Variants in ZFYVE27 observed in about 807,000 individuals in gnomAD.
The protein encoded by ZFYVE27 is protrudin.
Under a neutral mutation model 52.8 loss-of-function variants are expected in ZFYVE27, and 36 were observed. The ratio of observed to expected loss-of-function variants is 0.68; its 90% CI spans 0.52 to 0.90. ZFYVE27 has a LOEUF of 0.90. ZFYVE27 is among the 40% of genes least tolerant of loss of function. The probability of loss-of-function intolerance (pLI) is 0.00; values close to 1 mark genes in which losing one functional copy is unlikely to be tolerated. For synonymous variants in ZFYVE27, 223 were observed against 215.6 expected (o/e 1.03, Z -0.30); for missense variants, 450 against 527.2 (o/e 0.85, Z 1.43).
At chr10:97,757,804 C>T in intron 12 of ZFYVE27, 81 bp downstream of exon 12, 1 of 1,449,356 alleles carries the variant, frequency 6.9e-7, no homozygotes, top group Non-Finnish European at 9.7e-7. Flanking sequence ...GCAAGGGTGT[C>T]AGAGGTCAAG....
chr10:97,749,727 A>G, intron 6 of ZFYVE27, 141 bp downstream of exon 6: 2 of 722,122 alleles, frequency 2.8e-6, no homozygotes. Flanking sequence ...GTCCTCTCTC[A>G]TGGGCTCTGC....
At chr10:97,744,670 G>A (rs1590022285) in intron 3 of ZFYVE27, 59 bp from the exon 4 acceptor site, 1 of 1,599,654 alleles carries the variant, frequency 6.3e-7, no homozygotes, top group Non-Finnish European at 8.5e-7. Context: ...GGGCGTCTGG[G>A]TGGGCCGACT....
At chr10:97,749,612 G>A (rs2046382401) in intron 6 of ZFYVE27, 26 bp downstream of exon 6, 9 of 1,591,900 alleles carry the variant, frequency 5.7e-6, no homozygotes, top group Middle Eastern at 1.7e-4. Context: ...CCTGAAAGAT[G>A]GGGCCCAAGC....
chr10:97,752,569 C>T (rs1012215271), intron 8 of ZFYVE27, among the ~76,000 whole-genome samples: 22 of 152,248 alleles, frequency 1.4e-4, no homozygotes, highest in African/African-American at 3.9e-4. Context: ...CCGGAAAATA[C>T]GTTGTAAGGG....
At chr10:97,751,627 G>T (rs2047024205) in intron 8 of ZFYVE27, among the ~76,000 whole-genome samples, 165 bp downstream of exon 8, 1 of 152,174 alleles carries the variant, frequency 6.6e-6, no homozygotes, top group Non-Finnish European at 1.5e-5. Context: ...CCCCACTCCT[G>T]TTTCTGGTTG....
Position 97,743,117 on chromosome 10 carries a change from T to G in ZFYVE27, c.221T>G (p.Leu74Trp). Residue 74 changes from leucine to tryptophan, a missense_variant, in exon 3 of 13, where the codon TTG becomes TGG. Coordinates refer to ENST00000684270, the MANE Select transcript of ZFYVE27 (RefSeq NM_001385875.1). ...AGGTGGCAGATGCCTTTGTGTTCCTTGCTGACCTGCCTGGGCCTCAACGTC... is the reference window on the plus strand; with the variant it reads ...AGGTGGCAGATGCCTTTGTGTTCCTGGCTGACCTGCCTGGGCCTCAACGTC... ...LLRWQMPLCSLLTCLGLNVLF... is the reference protein window; with the variant it reads ...LLRWQMPLCSWLTCLGLNVLF... 1 of 1,614,214 alleles carries G rather than the reference T, an allele frequency of 6.2e-7. No homozygotes were observed. The highest frequency in any genetic ancestry group is 8.5e-7 in the Non-Finnish European group (1 of 1,180,030).
At chr10:97,757,887 G>C in intron 12 of ZFYVE27, 164 bp downstream of exon 12, 1 of 629,406 alleles carries the variant, frequency 1.6e-6, no homozygotes, top group Non-Finnish European at 2.8e-6. Flanking sequence ...GAAACATTTG[G>C]TACATGCCGA....
Position 97,738,539 on chromosome 10 carries a change from C to A in ZFYVE27, c.62C>A (p.Ala21Asp), listed in dbSNP as rs140812293. 6.2e-7 allele frequency: 1 copy of A among 1,614,172 alleles called. No individual in the cohort carries two copies. Among genetic ancestry groups the A allele is most frequent in the Non-Finnish European group, 8.5e-7 (1 of 1,180,016 alleles). The part of the protein sequence containing the change: ...PELSPSVMPE[A>D]PLESPPFPTK... ...CTGAGCCCCAGCGTGATGCCCGAGG[C>A]TCCCCTGGAGTCTCCACCTTTTCCT... The change falls in exon 2 of 13, where the codon GCT becomes GAT. Residue 21 changes from alanine (A) to aspartate (D), a missense_variant. Physicochemically the swap from Ala to Asp is moderately radical, Grantham distance 126 (BLOSUM62 -2). Coordinates refer to ENST00000684270, the MANE Select transcript of ZFYVE27 (RefSeq NM_001385875.1).
At chr10:97,747,992 C>A (rs2045928177) in intron 4 of ZFYVE27, among the ~76,000 whole-genome samples, 1 of 152,194 alleles carries the variant, frequency 6.6e-6, no homozygotes, top group Non-Finnish European at 1.5e-5. Flanking sequence ...TGGAGAATTT[C>A]AGTAGCCTGC....
At chr10:97,751,516 C>A in intron 8 of ZFYVE27, 54 bp downstream of exon 8, 1 of 1,579,122 alleles carries the variant, frequency 6.3e-7, no homozygotes, top group South Asian at 1.1e-5. Context: ...ATTGGGTGGT[C>A]CTGGAGCTGT....
At position 97,744,713 on chromosome 10, in the gene ZFYVE27, G is replaced by A. The variant is rs117049029; in HGVS notation, c.269-16G>A. On this transcript the variant is annotated splice_polypyrimidine_tract_variant and intron_variant, in intron 3 of 12. Transcript: ENST00000684270. ...TTTGCTTACCTGTGTTACCTGCAGT[G>A]TTTTTGATTCTGCAGGTGCATGGTA... 6.4e-4 allele frequency: 1,040 copies of A among 1,612,980 alleles called. 5 individuals carry two copies. The East Asian group carries it at 0.018, about 27-fold the overall frequency.
chr10:97,747,401 G>A (rs1564817570), intron 4 of ZFYVE27, among the ~76,000 whole-genome samples: 1 of 152,168 alleles, frequency 6.6e-6, no homozygotes, highest in Non-Finnish European at 1.5e-5. Flanking sequence ...TTTATCCACT[G>A]CTTTAAAAAT....
chr10:97,757,460 C>T (rs930386743), intron 11 of ZFYVE27, 149 bp downstream of exon 11: 3 of 1,317,020 alleles, frequency 2.3e-6, no homozygotes, highest in African/African-American at 1.4e-5. Context: ...CTCCCCTGCG[C>T]CTGTGCCACC....
intron 8 of ZFYVE27, among the ~76,000 whole-genome samples, chr10:97,752,525 T>C (rs1376391596): frequency 1.3e-5 from 2 of 152,240 alleles, no homozygotes; most frequent in African/African-American, 4.8e-5. Context: ...CTTAGGTCTA[T>C]AAAATATGTA....
intron 2 of ZFYVE27, 142 bp downstream of exon 2, chr10:97,738,816 C>T (rs1224068732): frequency 2.2e-6 from 2 of 892,280 alleles, no homozygotes; most frequent in Non-Finnish European, 3.6e-6. Flanking sequence ...TGTTCGGCCT[C>T]TGGGTTTATC....
At chr10:97,757,819 C>A in intron 12 of ZFYVE27, 96 bp downstream of exon 12, 1 of 1,296,348 alleles carries the variant, frequency 7.7e-7, no homozygotes, top group Non-Finnish European at 1.1e-6. Flanking sequence ...GTCAAGGGAA[C>A]TTGGGATTGT....
At chr10:97,753,762 ACGCTGTGG>A (rs1259035925) in intron 10 of ZFYVE27, among the ~76,000 whole-genome samples, 1 of 152,150 alleles carries the variant, frequency 6.6e-6, no homozygotes, top group Admixed American at 6.5e-5. Flanking sequence ...GCCCTGACCC[ACGCTGTGG>A]GTTCCTAGGA....
Position 97,759,238 on chromosome 10 carries a change from C to A in ZFYVE27, c.1174C>A (p.Pro392Thr), listed in dbSNP as rs1231171221. Residue 392 changes from proline to threonine, a missense_variant and splice_region_variant, in exon 13 of 13, where the codon CCT becomes ACT. Pro to Thr is a conservative substitution (Grantham distance 38). Coordinates refer to ENST00000684270, the MANE Select transcript of ZFYVE27 (RefSeq NM_001385875.1). ...VPKSSMGATA[P>T]EAQRETVFVC... The stretch of plus-strand genomic sequence containing the variant: ...ACCAAGTTCTTCCTCCTTTTCAGCC[C>A]CTGAAGCCCAGAGGGAGACTGTGTT... 1.9e-6 allele frequency: 3 copies of A among 1,614,154 alleles called. No homozygotes were observed. The South Asian group carries it at 3.3e-5, about 18-fold the overall frequency.
At chr10:97,745,759 G>T (rs2045136166) in intron 4 of ZFYVE27, among the ~76,000 whole-genome samples, 3 of 152,284 alleles carry the variant, frequency 2.0e-5, no homozygotes, top group South Asian at 4.1e-4. Flanking sequence ...TCGTAAACAT[G>T]ACAGAGCTGG....
Sources: allele counts gnomAD v4.1 joint callset (sites outside exome capture counted in the v4.1 genomes callset), GRCh38; gene constraint gnomAD v4.1.1; transcripts MANE v1.5; gene names NCBI Gene and HGNC (gene_info 2026-07-23, HGNC 2026-07-21).